The following RWDD3 variants were observed in gnomAD, a reference collection of about 807,000 sequenced individuals.
RWDD3 encodes the protein RWD domain-containing protein 3.
A neutral mutation model predicts 26.5 loss-of-function variants in RWDD3; 30 were observed. The ratio of observed to expected loss-of-function variants is 1.13; its 90% confidence interval spans 0.85 to 1.54. The LOEUF (loss-of-function observed/expected upper bound fraction) is 1.54. Ranked by LOEUF, RWDD3 falls within the 40% of genes most tolerant of loss-of-function variation. The pLI is 0.00. For missense variants in RWDD3, 296 were observed against 309.1 expected, an observed-to-expected ratio of 0.96 and a Z score of 0.32; for synonymous variants, 113 against 114.5, an observed-to-expected ratio of 0.99 and a Z score of 0.09.
chr1:95,246,577 T>G lies in RWDD3; in HGVS notation c.609T>G (p.Asp203Glu), dbSNP rs1557723757. The change falls in exon 3 of 4, where the codon GAT becomes GAG. Residue 203 changes from aspartate to glutamate, a missense_variant. Transcript: ENST00000370202. ...YLILQKTSKV[D>E]VDSSGKKCKE... is the part of the protein sequence containing the mutation. ...TTCTTCAGAAAACCTCCAAAGTAGATGTGGACTCAAGTGGAAAGAAATGCA... is the reference window on the plus strand; with the variant it reads ...TTCTTCAGAAAACCTCCAAAGTAGAGGTGGACTCAAGTGGAAAGAAATGCA... 3.1e-6 allele frequency: 5 copies of G among 1,612,196 alleles called. No individual in the cohort carries two copies. The East Asian group carries it at 1.1e-4, about 36-fold the overall frequency.
intron 1 of RWDD3, among the ~76,000 whole-genome samples, chr1:95,242,064 C>T (rs903024107): frequency 2.0e-5 from 3 of 152,200 alleles, no homozygotes; most frequent in African/African-American, 7.2e-5. Flanking sequence ...ACCCCCCAGC[C>T]TTCTAAGAAG....
intron 1 of RWDD3, among the ~76,000 whole-genome samples, 194 bp from the exon 2 acceptor site, chr1:95,244,009 GTGAATACA>G (rs1171229460): frequency 2.2e-4 from 33 of 152,226 alleles, no homozygotes; most frequent in Non-Finnish European, 4.3e-4. Context: ...GCTGGTGTGT[GTGAATACA>G]TGAATACATG....
chr1:95,239,259 T>A (rs1680501822), intron 1 of RWDD3, among the ~76,000 whole-genome samples: 1 of 152,222 alleles, frequency 6.6e-6, no homozygotes, highest in African/African-American at 2.4e-5. Context: ...CTAATCACTG[T>A]TTCTAAGCTG....
chr1:95,246,269 G>A (rs1680848451), intron 2 of RWDD3: 2 of 266,740 alleles, frequency 7.5e-6, no homozygotes, highest in South Asian at 1.2e-4. Flanking sequence ...GAGCCACAGA[G>A]GATTTAAGTA....
chr1:95,234,192 A>T (rs748547811), upstream of RWDD3: 540 of 1,548,612 alleles, frequency 3.5e-4, 2 homozygotes, highest in Admixed American at 9.6e-5. Context: ...CGGCTGCGGC[A>T]GCGGAAGGGG....
chr1:95,242,107 A>G (rs958722784), intron 1 of RWDD3, among the ~76,000 whole-genome samples: 1 of 152,056 alleles, frequency 6.6e-6, no homozygotes, highest in African/African-American at 2.4e-5. Context: ...TATCTTTACA[A>G]TTTTTCCTCT....
rs145440858 is a variant in RWDD3, at chr1:95,238,456, T to A, written c.85+4141T>A. 1.5e-3 allele frequency among the ~76,000 whole-genome samples: 233 copies of A among 152,058 alleles called. 5 individuals are homozygous for A. The highest frequency in any genetic ancestry group is 0.013 in the Admixed American group (206 of 15,272). ...TTCTGAAGCTACATTGAAACTTATG[T>A]AAAAATCCAACTGAAGCATAAAACA... On this transcript the variant is annotated intron_variant, in intron 1 of 3. Coordinates refer to ENST00000370202, the MANE Select transcript of RWDD3 (RefSeq NM_015485.5).
At chr1:95,244,941 A>G (rs1680791620) in intron 2 of RWDD3, 1 of 453,792 alleles carries the variant, frequency 2.2e-6, no homozygotes, top group Admixed American at 4.0e-5. Context: ...TAATAAAGTG[A>G]CAGGTTATTT....
intron 1 of RWDD3, among the ~76,000 whole-genome samples, chr1:95,240,091 G>T (rs879153843): frequency 2.0e-5 from 3 of 152,138 alleles, no homozygotes; most frequent in Non-Finnish European, 2.9e-5. Flanking sequence ...GGGCTCACCT[G>T]GGTAATCCAG....
intron 1 of RWDD3, among the ~76,000 whole-genome samples, chr1:95,236,955 A>G (rs1413719607): frequency 6.6e-6 from 1 of 152,214 alleles, no homozygotes; most frequent in African/African-American, 2.4e-5. Flanking sequence ...TGAACCCTTT[A>G]TCTGCTGTTA....
chr1:95,236,332 G>GA (rs34943862), intron 1 of RWDD3, among the ~76,000 whole-genome samples: 82,383 of 141,922 alleles, frequency 0.58, 23,965 homozygotes, highest in South Asian at 0.7. Context: ...CTCTGTCTCA[G>GA]AAAAAAAAAA....
chr1:95,243,999 G>A (rs1254326145), intron 1 of RWDD3, among the ~76,000 whole-genome samples: 2 of 152,246 alleles, frequency 1.3e-5, no homozygotes, highest in Admixed American at 1.3e-4. Flanking sequence ...AATCCTGGGT[G>A]CTGGTGTGTG....
rs1303535022 is a variant in RWDD3, at chr1:95,235,222, A to ATT, written c.85+917_85+918dup. On this transcript the variant is annotated intron_variant, in intron 1 of 3. Transcript: ENST00000370202. ...CCACCACGCCCGGCTAATTTTTTGTATTTTTTTTTTTAGTAGAGACAGGGT... is the reference window on the plus strand; with the variant it reads ...CCACCACGCCCGGCTAATTTTTTGTATTTTTTTTTTTTTAGTAGAGACAGGGT... Among the ~76,000 whole-genome samples, 8 of 121,146 alleles carry ATT rather than the reference A, an allele frequency of 6.6e-5. No homozygotes were observed. In the East Asian group the frequency reaches 1.7e-3, roughly 25 times the overall value. The allele number at this position is 121,146 out of a possible 152,430, so 79.5% of individuals were successfully genotyped here. A position where few individuals can be genotyped will look rare whatever the true frequency, so the allele number is the denominator to read the frequency against.
intron 1 of RWDD3, 96 bp downstream of exon 1, chr1:95,234,411 T>G: frequency 8.8e-7 from 1 of 1,133,160 alleles, no homozygotes; most frequent in Non-Finnish European, 1.3e-6. Context: ...GCACCCCGCC[T>G]GGGCCCACGT....
At chr1:95,243,701 G>A (rs1680726772) in intron 1 of RWDD3, among the ~76,000 whole-genome samples, 1 of 152,164 alleles carries the variant, frequency 6.6e-6, no homozygotes, top group East Asian at 1.9e-4. Context: ...CAGTTACTAT[G>A]TCACATGCAG....
At chr1:95,237,740 C>T (rs373897985) in intron 1 of RWDD3, among the ~76,000 whole-genome samples, 6 of 152,138 alleles carry the variant, frequency 3.9e-5, no homozygotes, top group Admixed American at 6.6e-5. Flanking sequence ...CTGCCATGTA[C>T]GTGATACTTG....
intron 1 of RWDD3, among the ~76,000 whole-genome samples, chr1:95,239,328 A>G (rs1680506100): frequency 2.6e-5 from 4 of 152,348 alleles, no homozygotes; most frequent in Admixed American, 2.6e-4. Flanking sequence ...TGGCAAAAAA[A>G]GAAAACAAAA....
chr1:95,238,831 T>G (rs765916847), intron 1 of RWDD3, among the ~76,000 whole-genome samples: 25 of 152,174 alleles, frequency 1.6e-4, no homozygotes, highest in Non-Finnish European at 3.2e-4. Flanking sequence ...TAGTGTGAAT[T>G]TGGAGTTCTA....
intron 1 of RWDD3, among the ~76,000 whole-genome samples, chr1:95,240,364 A>G (rs1420671669): frequency 6.6e-6 from 1 of 152,210 alleles, no homozygotes; most frequent in Admixed American, 6.5e-5. Context: ...GAAAATCAAG[A>G]TATTTCAGTG....
Sources: allele counts gnomAD v4.1 joint callset (sites outside exome capture counted in the v4.1 genomes callset), GRCh38; gene constraint gnomAD v4.1.1; transcripts MANE v1.5; gene names NCBI Gene and HGNC (gene_info 2026-07-23, HGNC 2026-07-21).